DIAPH2: variants seen among roughly 807,000 people sequenced by gnomAD.
DIAPH2 encodes protein diaphanous homolog 2.
A neutral mutation model predicts 92.7 loss-of-function variants in DIAPH2; 35 were observed. The ratio of observed to expected loss-of-function variants is 0.38; its 90% CI spans 0.29 to 0.50. The LOEUF is 0.50. DIAPH2 is among the 20% of genes least tolerant of loss of function. The pLI is 0.94. For missense variants in DIAPH2, 701 were observed against 819.5 expected (o/e 0.86, Z 1.77); for synonymous variants, 301 against 280.4 (o/e 1.07, Z -0.73).
chrX:97,417,375 T>TACAC (rs750360804), intron 25 of DIAPH2, among the ~76,000 whole-genome samples: 1,391 of 103,799 alleles, frequency 0.013, 23 homozygotes, highest in African/African-American at 0.046. Flanking sequence ...TGGTCACACA[T>TACAC]ACACACACAC....
chrX:96,970,790 T>A (rs762869128), intron 17 of DIAPH2, among the ~76,000 whole-genome samples: 1 of 111,535 alleles, frequency 9.0e-6, no homozygotes, highest in Admixed American at 9.5e-5. Flanking sequence ...TTGCATTGAT[T>A]TGCTCTTGTT....
intron 26 of DIAPH2, among the ~76,000 whole-genome samples, chrX:97,451,967 T>C (rs1457382937): frequency 1.8e-5 from 2 of 111,738 alleles, no homozygotes; most frequent in African/African-American, 6.5e-5. Context: ...GCTATGCTAT[T>C]GTAGTAAAAT....
At chrX:97,121,041 A>C (rs1272659585) in intron 21 of DIAPH2, among the ~76,000 whole-genome samples, 1 of 112,187 alleles carries the variant, frequency 8.9e-6, no homozygotes, top group Non-Finnish European at 1.9e-5. Flanking sequence ...AAGTACACGC[A>C]AAGTTTTGCA....
At chrX:97,417,366 G>T (rs892166576) in intron 25 of DIAPH2, among the ~76,000 whole-genome samples, 3 of 106,558 alleles carry the variant, frequency 2.8e-5, no homozygotes. Context: ...AAAATAGGGT[G>T]GTCACACATA....
intron 26 of DIAPH2, among the ~76,000 whole-genome samples, chrX:97,509,390 T>C (rs969607556): frequency 2.8e-5 from 3 of 107,253 alleles, no homozygotes; most frequent in Non-Finnish European, 5.8e-5. Flanking sequence ...CACAGGAAAT[T>C]TAATTAGGAA....
At chrX:97,558,823 T>C (rs1456465426) in intron 26 of DIAPH2, among the ~76,000 whole-genome samples, 1 of 112,136 alleles carries the variant, frequency 8.9e-6, no homozygotes, top group African/African-American at 3.2e-5. Context: ...TTGGGGGTTA[T>C]AGACTACAGC....
chrX:97,500,765 TATATATATATATATATATATATATA>T (rs1306103636), intron 26 of DIAPH2, among the ~76,000 whole-genome samples: 14 of 10,056 alleles, frequency 1.4e-3, no homozygotes, highest in African/African-American at 2.6e-3. Flanking sequence ...TTCAAGGAGA[TATATATATATATATATATATATATA>T]TATATATATA....
chrX:97,162,388 T>A (rs1053777931), intron 22 of DIAPH2, among the ~76,000 whole-genome samples: 1 of 112,151 alleles, frequency 8.9e-6, no homozygotes, highest in Admixed American at 9.5e-5. Flanking sequence ...TAGGTTTATT[T>A]TAGTATTAAA....
At chrX:97,279,827 C>T (rs1397727095) in intron 23 of DIAPH2, among the ~76,000 whole-genome samples, 1 of 111,088 alleles carries the variant, frequency 9.0e-6, no homozygotes, top group African/African-American at 3.3e-5. Flanking sequence ...CTTCAGTTTC[C>T]GGGCAGGCTG....
intron 3 of DIAPH2, among the ~76,000 whole-genome samples, chrX:96,744,967 T>C (rs2064141220): frequency 9.0e-6 from 1 of 110,598 alleles, no homozygotes; most frequent in Non-Finnish European, 1.9e-5. Flanking sequence ...GTTTCAATAC[T>C]ATATATGTAT....
intron 4 of DIAPH2, among the ~76,000 whole-genome samples, chrX:96,796,436 T>C (rs904436712): frequency 8.9e-6 from 1 of 112,297 alleles, no homozygotes; most frequent in Non-Finnish European, 1.9e-5. Context: ...TGCCTGGGCC[T>C]CCCAAAGTGC....
At chrX:96,709,009 C>T (rs903606861) in intron 1 of DIAPH2, among the ~76,000 whole-genome samples, 6 of 111,623 alleles carry the variant, frequency 5.4e-5, no homozygotes, top group Admixed American at 4.8e-4. Context: ...GCCCATATGG[C>T]CTTTTGAATG....
chrX:97,109,090 T>G (rs1173209908), intron 20 of DIAPH2, among the ~76,000 whole-genome samples: 2 of 111,475 alleles, frequency 1.8e-5, no homozygotes, highest in Non-Finnish European at 3.8e-5. Context: ...AGGAAGTAAC[T>G]TAGAAACTCC....
At chrX:97,135,828 T>C (rs761574126) in intron 21 of DIAPH2, among the ~76,000 whole-genome samples, 96 of 111,858 alleles carry the variant, frequency 8.6e-4, no homozygotes, top group Non-Finnish European at 1.6e-3. Flanking sequence ...AGGCACATGA[T>C]AGATAGGCAA....
intron 4 of DIAPH2, among the ~76,000 whole-genome samples, chrX:96,758,776 G>A (rs1302666175): frequency 1.8e-5 from 2 of 111,433 alleles, no homozygotes; most frequent in African/African-American, 6.5e-5. Flanking sequence ...TTCATTTAAT[G>A]TAAAGGATGT....
chrX:96,879,208 G>C (rs932512416), intron 4 of DIAPH2, among the ~76,000 whole-genome samples: 10 of 110,619 alleles, frequency 9.0e-5, no homozygotes, highest in African/African-American at 3.4e-4. Context: ...AAATGGTGTT[G>C]CGATGATAAC....
intron 4 of DIAPH2, chrX:96,793,546 C>G (rs965331542): frequency 1.9e-5 from 7 of 362,269 alleles, no homozygotes; most frequent in African/African-American, 5.1e-5. Context: ...AGTCCAAGGT[C>G]TATGTGCTAG....
At chrX:97,338,204 C>T (rs1396398882) in intron 23 of DIAPH2, among the ~76,000 whole-genome samples, 1 of 111,004 alleles carries the variant, frequency 9.0e-6, no homozygotes, top group Non-Finnish European at 1.9e-5. Flanking sequence ...TTTTTTTAGT[C>T]TATATCTTGA....
intron 26 of DIAPH2, among the ~76,000 whole-genome samples, chrX:97,566,422 A>G (rs768460306): frequency 1.8e-5 from 2 of 111,983 alleles, no homozygotes; most frequent in South Asian, 7.4e-4. Flanking sequence ...CATTATAGGA[A>G]TTTTTGGACC....
Sources: gnomAD v4.1 joint callset for allele counts (sites outside exome capture counted in the v4.1 genomes callset) on GRCh38, gnomAD v4.1.1 for gene constraint, MANE v1.5 for transcripts, NCBI Gene and HGNC (gene_info 2026-07-23, HGNC 2026-07-21) for gene names.